Variants in CREB1 observed in about 807,000 individuals in gnomAD.
CREB1 encodes cAMP responsive element binding protein 1.
Under a neutral mutation model 42.0 loss-of-function variants are expected in CREB1, and 2 were observed. That is an observed-to-expected ratio of 0.05 (90% CI 0.02 to 0.15). The LOEUF is 0.15. CREB1 is among the 10% of genes least tolerant of loss of function. The probability of loss-of-function intolerance (pLI) is 1.00; values close to 1 mark genes in which losing one functional copy is unlikely to be tolerated. For missense variants in CREB1, 199 were observed against 388.9 expected (o/e 0.51, Z 4.11); for synonymous variants, 123 against 139.9 (o/e 0.88, Z 0.85).
chr2:207,569,514 T>C (rs1259105255), intron 4 of CREB1, among the ~76,000 whole-genome samples: 1 of 152,210 alleles, frequency 6.6e-6, no homozygotes, highest in East Asian at 1.9e-4. Flanking sequence ...TTGATCTTTT[T>C]TCCCTTTAGT....
chr2:207,588,536 C>A (rs115214900), intron 7 of CREB1, among the ~76,000 whole-genome samples: 2 of 151,934 alleles, frequency 1.3e-5, no homozygotes, highest in South Asian at 4.2e-4. Flanking sequence ...TTTTATAATC[C>A]GCTTGTTGAT....
At chr2:207,551,592 A>T (rs989016193) in intron 1 of CREB1, among the ~76,000 whole-genome samples, 2 of 152,188 alleles carry the variant, frequency 1.3e-5, no homozygotes, top group African/African-American at 4.8e-5. Flanking sequence ...TTTGCCTAGG[A>T]TCAAGAGGCT....
At chr2:207,570,053 A>AAG (rs1461214594) in intron 4 of CREB1, 126 bp from the exon 5 acceptor site, 2 of 655,430 alleles carry the variant, frequency 3.1e-6, no homozygotes, top group African/African-American at 3.8e-5. Flanking sequence ...AAAAAAAAAA[A>AAG]AAAAAAAAAC....
At chr2:207,564,793 G>A (rs1374010305) in intron 3 of CREB1, among the ~76,000 whole-genome samples, 1 of 152,066 alleles carries the variant, frequency 6.6e-6, no homozygotes, top group Non-Finnish European at 1.5e-5. Flanking sequence ...TGGTAGTTTA[G>A]CTTTTTGAAA....
At chr2:207,533,221 T>G (rs1387775856) in intron 1 of CREB1, among the ~76,000 whole-genome samples, 1 of 152,070 alleles carries the variant, frequency 6.6e-6, no homozygotes, top group East Asian at 1.9e-4. Context: ...TGATTTTTTT[T>G]TTGTTTACAT....
chr2:207,581,383 A>G (rs2082935083), intron 7 of CREB1: 1 of 201,176 alleles, frequency 5.0e-6, no homozygotes, highest in Non-Finnish European at 1.0e-5. Context: ...ATTTTTATTA[A>G]GATGGGAAGA....
chr2:207,552,907 C>T (rs555359728), intron 1 of CREB1, among the ~76,000 whole-genome samples: 8 of 152,150 alleles, frequency 5.3e-5, no homozygotes, highest in African/African-American at 1.4e-4. Context: ...TGAGCCACCG[C>T]GCCCGGCTGT....
intron 1 of CREB1, chr2:207,550,510 G>C (rs2081462688): frequency 6.6e-6 from 1 of 152,000 alleles, no homozygotes; most frequent in South Asian, 2.1e-4. Flanking sequence ...GGGAAGATGG[G>C]TTTATTTTTC....
intron 7 of CREB1, chr2:207,580,996 T>C (rs2082892468): frequency 4.6e-6 from 1 of 218,404 alleles, no homozygotes; most frequent in African/African-American, 2.2e-5. Flanking sequence ...GAATGAACTC[T>C]TCCTACAGGA....
intron 7 of CREB1, among the ~76,000 whole-genome samples, chr2:207,594,453 C>T (rs547566894): frequency 5.9e-5 from 9 of 152,262 alleles, no homozygotes; most frequent in East Asian, 1.9e-4. Context: ...ACTTTAGATG[C>T]CTCATAAGAG....
At chr2:207,581,718 TA>T in intron 7 of CREB1, 1 of 602,600 alleles carries the variant, frequency 1.7e-6, no homozygotes, top group Non-Finnish European at 2.9e-6. Context: ...AGGGTACATT[TA>T]TCAAAAATAA....
intron 4 of CREB1, among the ~76,000 whole-genome samples, chr2:207,569,403 T>TTTTTTG (rs943283419): frequency 2.6e-5 from 4 of 152,128 alleles, no homozygotes; most frequent in Non-Finnish European, 5.9e-5. Context: ...GAGTGTGGTG[T>TTTTTTG]TTTTTGTTTT....
chr2:207,555,546 AT>A, intron 1 of CREB1, 81 bp from the exon 2 acceptor site: 1 of 768,154 alleles, frequency 1.3e-6, no homozygotes, highest in Non-Finnish European at 2.2e-6. Flanking sequence ...ATATATACCT[AT>A]TTATAACTTG....
At chr2:207,580,263 G>C (rs1435379821) in intron 7 of CREB1, among the ~76,000 whole-genome samples, 2 of 152,154 alleles carry the variant, frequency 1.3e-5, no homozygotes, top group Non-Finnish European at 2.9e-5. Flanking sequence ...CTACTTCACT[G>C]ATTCCAGTAT....
At chr2:207,588,785 T>G (rs554270611) in intron 7 of CREB1, among the ~76,000 whole-genome samples, 109 of 151,394 alleles carry the variant, frequency 7.2e-4, no homozygotes, top group African/African-American at 2.0e-3. Context: ...AAATGGTATA[T>G]TCAATTGTTC....
intron 7 of CREB1, among the ~76,000 whole-genome samples, chr2:207,584,522 G>A (rs1346296676): frequency 6.6e-6 from 1 of 152,042 alleles, no homozygotes; most frequent in Non-Finnish European, 1.5e-5. Flanking sequence ...TCGTGCCTCA[G>A]CCTCCCTGAG....
At chr2:207,534,196 G>A (rs979895186) in intron 1 of CREB1, among the ~76,000 whole-genome samples, 1 of 152,160 alleles carries the variant, frequency 6.6e-6, no homozygotes, top group Non-Finnish European at 1.5e-5. Context: ...CAGGCATTGT[G>A]CAAGTGTCAA....
chr2:207,566,309 A>G (rs1244260560), intron 3 of CREB1, among the ~76,000 whole-genome samples: 1 of 152,176 alleles, frequency 6.6e-6, no homozygotes, highest in African/African-American at 2.4e-5. Context: ...TCTTACTGCC[A>G]TTGCCATACG....
intron 1 of CREB1, among the ~76,000 whole-genome samples, chr2:207,535,915 G>A (rs376086353): frequency 2.0e-5 from 3 of 151,808 alleles, no homozygotes; most frequent in African/African-American, 4.8e-5. Flanking sequence ...TCTGTTTCCT[G>A]GCTCAAGCCA....
Sources: gnomAD v4.1 joint callset for allele counts (sites outside exome capture counted in the v4.1 genomes callset) on GRCh38, gnomAD v4.1.1 for gene constraint, MANE v1.5 for transcripts, NCBI Gene and HGNC (gene_info 2026-07-23, HGNC 2026-07-21) for gene names.